The following CLSTN2 variants were observed in gnomAD, a reference collection of about 807,000 sequenced individuals.
CLSTN2 encodes calsyntenin 2, also known as calsyntenin-2.
Under a neutral mutation model 101.2 loss-of-function variants are expected in CLSTN2, and 48 were observed. That is an observed-to-expected ratio of 0.47 (90% CI 0.38 to 0.60). CLSTN2 has a LOEUF of 0.60. Ranked by LOEUF, CLSTN2 falls within the 20% of genes least tolerant of loss-of-function variation. CLSTN2 has a pLI of 0.00. For synonymous variants in CLSTN2, 481 were observed against 463.6 expected (o/e 1.04, Z -0.48); for missense variants, 1,160 against 1,238.2 (o/e 0.94, Z 0.95).
intron 1 of CLSTN2, among the ~76,000 whole-genome samples, chr3:140,009,002 C>G (rs2007016401): frequency 6.6e-6 from 1 of 152,134 alleles, no homozygotes; most frequent in African/African-American, 2.4e-5. Flanking sequence ...CACACAGAAG[C>G]CTTGTTGACT....
intron 2 of CLSTN2, among the ~76,000 whole-genome samples, chr3:140,189,757 A>AT (rs2010533806): frequency 6.6e-6 from 1 of 152,082 alleles, no homozygotes; most frequent in Non-Finnish European, 1.5e-5. Context: ...CTTTATTTGT[A>AT]TTTTTTGCCT....
Position 140,562,803 on chromosome 3 carries a change from T to C in CLSTN2, c.2213-8T>C. 6.2e-7 allele frequency: 1 copy of C among 1,613,584 alleles called. No homozygotes were observed. Among genetic ancestry groups the C allele is most frequent in the Non-Finnish European group, 8.5e-7 (1 of 1,179,926 alleles). The stretch of plus-strand genomic sequence containing the variant: ...CCTTCTGATGACAGGTGTGGTCTCT[T>C]GGCACAGGTGTGGGCTCCATGAGCC... On this transcript the variant is annotated splice_region_variant and splice_polypyrimidine_tract_variant and intron_variant, in intron 13 of 16. Coordinates refer to ENST00000458420, the MANE Select transcript of CLSTN2 (RefSeq NM_022131.3).
chr3:140,084,672 A>T (rs561923598), intron 1 of CLSTN2, among the ~76,000 whole-genome samples: 118 of 152,324 alleles, frequency 7.7e-4, no homozygotes, highest in African/African-American at 2.8e-3. Flanking sequence ...AGACACACTG[A>T]TATGGGATAT....
At chr3:140,180,034 G>A (rs1214831847) in intron 2 of CLSTN2, among the ~76,000 whole-genome samples, 1 of 152,166 alleles carries the variant, frequency 6.6e-6, no homozygotes, top group Non-Finnish European at 1.5e-5. Flanking sequence ...TTTAGTAGTA[G>A]CCTTGCTGTC....
At chr3:140,240,567 C>G (rs1289627487) in intron 2 of CLSTN2, among the ~76,000 whole-genome samples, 1 of 151,928 alleles carries the variant, frequency 6.6e-6, no homozygotes, top group African/African-American at 2.4e-5. Flanking sequence ...GTTGAGAGGA[C>G]AGATGAGTTA....
intron 2 of CLSTN2, among the ~76,000 whole-genome samples, chr3:140,257,557 TAG>T (rs141764880): frequency 0.081 from 11,888 of 147,372 alleles, 563 homozygotes; most frequent in African/African-American, 0.12. Context: ...TATTTCTTTC[TAG>T]GGGTGTGTGT....
At chr3:140,019,400 G>A (rs1265212019) in intron 1 of CLSTN2, among the ~76,000 whole-genome samples, 1 of 152,156 alleles carries the variant, frequency 6.6e-6, no homozygotes, top group Non-Finnish European at 1.5e-5. Flanking sequence ...CCAGCCAGTG[G>A]CCTGTGAACT....
intron 7 of CLSTN2, among the ~76,000 whole-genome samples, chr3:140,464,973 T>C (rs1264629024): frequency 6.6e-6 from 1 of 152,206 alleles, no homozygotes; most frequent in African/African-American, 2.4e-5. Context: ...GCCCTGGTCA[T>C]GAGGCAGTGT....
chr3:140,267,077 G>A (rs941292815), intron 2 of CLSTN2, among the ~76,000 whole-genome samples: 2 of 152,124 alleles, frequency 1.3e-5, no homozygotes, highest in African/African-American at 4.8e-5. Flanking sequence ...TTGGAAACCA[G>A]GTCTACCTGG....
intron 2 of CLSTN2, among the ~76,000 whole-genome samples, chr3:140,228,775 A>G (rs1407493290): frequency 1.3e-5 from 2 of 152,216 alleles, no homozygotes; most frequent in Non-Finnish European, 2.9e-5. Flanking sequence ...GAGTTTGTGC[A>G]GGGGAACTCC....
intron 2 of CLSTN2, among the ~76,000 whole-genome samples, chr3:140,362,864 A>G (rs1468881371): frequency 6.6e-6 from 1 of 152,134 alleles, no homozygotes; most frequent in Non-Finnish European, 1.5e-5. Flanking sequence ...ACCTTTATAC[A>G]TTTCTTGGTG....
intron 1 of CLSTN2, among the ~76,000 whole-genome samples, chr3:140,135,507 G>C (rs138282310): frequency 6.6e-6 from 1 of 152,106 alleles, no homozygotes; most frequent in Non-Finnish European, 1.5e-5. Context: ...AAACTAGTTT[G>C]GATAGAAGAA....
At chr3:140,022,758 G>A (rs1444963783) in intron 1 of CLSTN2, among the ~76,000 whole-genome samples, 1 of 152,206 alleles carries the variant, frequency 6.6e-6, no homozygotes. Flanking sequence ...ACAGGTGCTG[G>A]TGTGACTTGT....
At chr3:140,246,179 G>A (rs2086515451) in intron 2 of CLSTN2, among the ~76,000 whole-genome samples, 1 of 152,190 alleles carries the variant, frequency 6.6e-6, no homozygotes, top group Non-Finnish European at 1.5e-5. Context: ...AATAGATTTA[G>A]ATGCCTATCA....
Position 140,134,357 on chromosome 3 carries a change from G to C in CLSTN2, c.110-41594G>C, listed in dbSNP as rs145879543. Among the ~76,000 whole-genome samples the C allele has an allele frequency of 3.7e-3, 565 of 152,184 alleles. 6 individuals carry two copies. Among genetic ancestry groups the C allele is most frequent in the African/African-American group, 0.013 (524 of 41,526 alleles). On this transcript the variant is annotated intron_variant, in intron 1 of 16. Coordinates refer to ENST00000458420, the MANE Select transcript of CLSTN2 (RefSeq NM_022131.3). Reference sequence around the variant, plus strand: ...GCCAGAGTCTGTCTATCCCTTGCTTGTCTGATTCTCTGCTCTCCAGGTGAC... The same window carrying C: ...GCCAGAGTCTGTCTATCCCTTGCTTCTCTGATTCTCTGCTCTCCAGGTGAC...
At chr3:139,972,384 G>A (rs1167327805) in intron 1 of CLSTN2, among the ~76,000 whole-genome samples, 1 of 152,160 alleles carries the variant, frequency 6.6e-6, no homozygotes, top group East Asian at 1.9e-4. Context: ...CCAGACTGCA[G>A]GCAGAGGCTG....
chr3:140,229,424 G>A (rs1576475348), intron 2 of CLSTN2, among the ~76,000 whole-genome samples: 1 of 152,096 alleles, frequency 6.6e-6, no homozygotes, highest in African/African-American at 2.4e-5. Context: ...AGCTGCTGTG[G>A]GGTCTGAGAC....
chr3:140,456,080 T>G (rs1159499971), intron 6 of CLSTN2, among the ~76,000 whole-genome samples: 2 of 152,216 alleles, frequency 1.3e-5, no homozygotes, highest in African/African-American at 4.8e-5. Flanking sequence ...ATTGGCCCCC[T>G]GAACACTACT....
chr3:140,014,773 T>C (rs891180257), intron 1 of CLSTN2, among the ~76,000 whole-genome samples: 1 of 151,712 alleles, frequency 6.6e-6, no homozygotes, highest in Non-Finnish European at 1.5e-5. Context: ...GATGGCAGAG[T>C]GTGCAGGAGG....
Sources: allele counts gnomAD v4.1 joint callset (sites outside exome capture counted in the v4.1 genomes callset), GRCh38; gene constraint gnomAD v4.1.1; transcripts MANE v1.5; gene names NCBI Gene and HGNC (gene_info 2026-07-23, HGNC 2026-07-21).